The following MBL2 variants were observed in gnomAD, a reference collection of about 807,000 sequenced individuals.
MBL2 encodes mannose-binding protein C.
Under a neutral mutation model 12.7 loss-of-function variants are expected in MBL2, and 6 were observed. The observed-to-expected ratio is 0.47, with a 90% CI of 0.26 to 0.94. The LOEUF (loss-of-function observed/expected upper bound fraction) is 0.94. Among genes scored for constraint, MBL2 ranks in the 40% least tolerant of loss-of-function variants. The pLI is 0.15. For synonymous variants in MBL2, 114 were observed against 112.0 expected (o/e 1.02, Z -0.11); for missense variants, 307 against 295.2 (o/e 1.04, Z -0.29).
Position 52,768,041 on chromosome 10 carries a change from G to A in MBL2, c.*96C>T, listed in dbSNP as rs1840331817. 6.9e-7 allele frequency: 1 copy of A among 1,450,454 alleles called. No individual in the cohort carries two copies. Among genetic ancestry groups the A allele is most frequent in the East Asian group, 2.3e-5 (1 of 43,536 alleles). 89.8% of individuals were successfully genotyped at this position (1,450,454 alleles called of 1,614,324 possible). A position where few individuals can be genotyped will look rare whatever the true frequency, so the allele number is the denominator to read the frequency against. On this transcript the variant is annotated 3_prime_UTR_variant, in exon 5 of 5. Coordinates refer to ENST00000674931, the MANE Select transcript of MBL2 (RefSeq NM_001378373.1). ...GATTGCCCACAAAAGGAACAATACT[G>A]GATATGAGGAAATTGATATAATTTA...
In MBL2 at chr10:52,771,498, G is replaced by A. The variant is rs751077107; in HGVS notation, c.138C>T (p.Phe46=). 1 of 1,613,908 alleles carries A rather than the reference G, an allele frequency of 6.2e-7. No individual in the cohort carries two copies. Residue 46 remains phenylalanine (F), a synonymous_variant, in exon 2 of 5, where the codon TTC becomes TTT. Coordinates refer to ENST00000674931, the MANE Select transcript of MBL2 (RefSeq NM_001378373.1). ...IACSSPGING[F]PGKDGRDGTK... ...TGCCATCACGCCCATCTTTGCCTGG[G>A]AAGCCGTTGATGCCTGGAGAGCTAC...
At chr10:52,769,630 A>C (rs1468136511) in intron 3 of MBL2, among the ~76,000 whole-genome samples, 6 of 152,048 alleles carry the variant, frequency 3.9e-5, no homozygotes, top group African/African-American at 1.4e-4. Flanking sequence ...TTTTCAAATA[A>C]ATTGTTCTAT....
intron 2 of MBL2, 106 bp downstream of exon 2, chr10:52,771,343 A>G: frequency 3.2e-6 from 4 of 1,261,734 alleles, no homozygotes; most frequent in Admixed American, 2.3e-5. Context: ...GAGTTACAGT[A>G]TAGTTGAGAA....
Position 52,769,259 on chromosome 10 carries a change from G to A in MBL2, c.361C>T (p.Arg121Cys), listed in dbSNP as rs188107846. Residue 121 changes from arginine to cysteine, a missense_variant, in exon 4 of 5, where the codon CGT becomes TGT. Arg to Cys is a radical substitution (Grantham distance 180, BLOSUM62 -3). Coordinates refer to ENST00000674931, the MANE Select transcript of MBL2 (RefSeq NM_001378373.1). ...AGAAAAAGCTTACACTTTTTGATAC[G>A]TGCCATTTCTGTTTGCAGAGCTTTT... ...ERKALQTEMARIKKWLTFSLG... is the reference protein window; with the variant it reads ...ERKALQTEMACIKKWLTFSLG... 293 of 1,609,410 alleles carry A rather than the reference G, an allele frequency of 1.8e-4. No homozygotes were observed. Among genetic ancestry groups the A allele is most frequent in the East Asian group, 2.7e-4 (12 of 44,852 alleles).
At chr10:52,772,292 C>G (rs1840406850) in intron 1 of MBL2, among the ~76,000 whole-genome samples, 1 of 152,156 alleles carries the variant, frequency 6.6e-6, no homozygotes, top group Non-Finnish European at 1.5e-5. Flanking sequence ...CTGGAAATTT[C>G]TTACTACGTT....
intron 4 of MBL2, 111 bp downstream of exon 4, chr10:52,769,136 T>A (rs1200773338): frequency 1.2e-5 from 8 of 692,784 alleles, no homozygotes; most frequent in Non-Finnish European, 2.0e-5. Context: ...GAGGTAAGAA[T>A]ATGAGAAATG....
Position 52,767,267 on chromosome 10 carries a change from T to C in MBL2, c.*870A>G, listed in dbSNP as rs1564434833. ...AAGTGCCTATTAACAATAGAATGGA[T>C]GAACTGAGGAATATTAATATAAGGG... is the stretch of plus-strand genomic sequence containing the variant. On this transcript the variant is annotated 3_prime_UTR_variant, in exon 5 of 5. Coordinates refer to ENST00000674931, the MANE Select transcript of MBL2 (RefSeq NM_001378373.1). The C allele has an allele frequency of 6.6e-6, 1 of 151,892 alleles. No individual in the cohort carries two copies. The highest frequency in any genetic ancestry group is 2.1e-4 in the South Asian group (1 of 4,820). 9.4% of individuals were successfully genotyped at this position (151,892 alleles called of 1,614,324 possible). A position where few individuals can be genotyped will look rare whatever the true frequency, so the allele number is the denominator to read the frequency against.
rs368165740 is a variant in MBL2 at position 52,768,309 on chromosome 10, T to G, written c.575A>C (p.Glu192Ala). Residue 192 changes from glutamate to alanine, a missense_variant, in exon 5 of 5, where the codon GAA becomes GCA. Transcript: ENST00000674931. ...AFLGITDEKT[E>A]GQFVDLTGNR... ...TCCTGTCAGATCCACAAACTGCCCT[T>G]CTGTCTTCTCATCAGTGATGCCCAG... 1.1e-5 allele frequency: 17 copies of G among 1,613,760 alleles called. No homozygotes were observed. The highest frequency in any genetic ancestry group is 1.4e-5 in the Non-Finnish European group (17 of 1,179,994).
chr10:52,769,208 A>C lies in MBL2; in HGVS notation c.373+39T>G, dbSNP rs753050782. 4 of 1,443,556 alleles carry C rather than the reference A, an allele frequency of 2.8e-6. No homozygotes were observed. In the African/African-American group the frequency reaches 5.8e-5, roughly 21 times the overall value. The allele number at this position is 1,443,556 out of a possible 1,614,324, so 89.4% of individuals were successfully genotyped here. ...ATATTTGTTGCATTCTATTTTTCCCAAACTTCAAGCTGCCTGGAGAGTAAG... is the reference window on the plus strand; with the variant it reads ...ATATTTGTTGCATTCTATTTTTCCCCAACTTCAAGCTGCCTGGAGAGTAAG... On this transcript the variant is annotated intron_variant, in intron 4 of 4. Transcript: ENST00000674931.
intron 3 of MBL2, 49 bp downstream of exon 3, chr10:52,770,621 G>A (rs373005659): frequency 1.7e-6 from 2 of 1,167,838 alleles, no homozygotes; most frequent in Non-Finnish European, 2.3e-6. Context: ...GATACTCAAG[G>A]TCTCAGAACC....
chr10:52,767,296 C>T lies in MBL2; in HGVS notation c.*841G>A, dbSNP rs924434726. 3.3e-5 allele frequency: 5 copies of T among 151,838 alleles called. No homozygotes were observed. Among genetic ancestry groups the T allele is most frequent in the African/African-American group, 1.2e-4 (5 of 41,198 alleles). 9.4% of individuals were successfully genotyped at this position (151,838 alleles called of 1,614,324 possible). A position where few individuals can be genotyped will look rare whatever the true frequency, so the allele number is the denominator to read the frequency against. On this transcript the variant is annotated 3_prime_UTR_variant, in exon 5 of 5. Transcript: ENST00000674931. ...CTGAGGAATATTAATATAAGGGAAC[C>T]CTACATGGCAATGAAAAGGATGAAA... is the stretch of plus-strand genomic sequence containing the variant.
rs201305883 is a variant in MBL2 at position 52,770,780 on chromosome 10, C to T, written c.194G>A (p.Gly65Glu). 6.9e-7 allele frequency: 1 copy of T among 1,457,694 alleles called. No individual in the cohort carries two copies. The highest frequency in any genetic ancestry group is 2.5e-5 in the East Asian group (1 of 39,312). The allele number at this position is 1,457,694 out of a possible 1,614,324, so 90.3% of individuals were successfully genotyped here. A position where few individuals can be genotyped will look rare whatever the true frequency, so the allele number is the denominator to read the frequency against. ...TKGEKGEPGQ[G>E]LRGLQGPPGK... ...AGGGGGGCCCTGTAAGCCTCTGAGCCCTTGGCCTGTTGGAAGACAAAGGAA... is the reference window on the plus strand; with the variant it reads ...AGGGGGGCCCTGTAAGCCTCTGAGCTCTTGGCCTGTTGGAAGACAAAGGAA... The change falls in exon 3 of 5, where the codon GGG becomes GAG. Residue 65 changes from glycine (G) to glutamate (E), a missense_variant. By Grantham distance (98) the Gly-to-Glu change is moderately conservative. Coordinates refer to ENST00000674931, the MANE Select transcript of MBL2 (RefSeq NM_001378373.1).
At position 52,768,181 on chromosome 10, in the gene MBL2, G is replaced by T. The variant is rs1356236767; in HGVS notation, c.703C>A (p.Pro235Thr). 2.5e-6 allele frequency: 4 copies of T among 1,612,492 alleles called. No individual in the cohort carries two copies. In the African/African-American group the frequency reaches 5.4e-5, roughly 22 times the overall value. The change falls in exon 5 of 5, where the codon CCC (proline) becomes ACC (threonine). Residue 235 changes from proline (P) to threonine (T), a missense_variant. Pro to Thr is a conservative substitution (Grantham distance 38). Transcript: ENST00000674931. ...ACGGCCAGATGGGAGGTGGAGCAGG[G>T]GACGTCATTCCACTGGCCATTTTTC... is the stretch of plus-strand genomic sequence containing the variant. ...LLKNGQWNDV[P>T]CSTSHLAVCE...
chr10:52,769,306 C>G lies in MBL2; in HGVS notation c.314G>C (p.Ser105Thr), dbSNP rs137974936. ...TTTTCTTTCTGAGGCAGCCAGGCTA[C>G]TATCACCATCTAGAAAATTAGAACA... ...GDPGKSPDGDSSLAASERKAL... is the reference protein window; with the variant it reads ...GDPGKSPDGDTSLAASERKAL... The change falls in exon 4 of 5, where the codon AGT becomes ACT. Residue 105 changes from serine (S) to threonine (T), a missense_variant. By Grantham distance (58) the Ser-to-Thr change is moderately conservative. Transcript: ENST00000674931. 8.3e-5 allele frequency: 134 copies of G among 1,608,622 alleles called. No homozygotes were observed. In the Middle Eastern group the frequency reaches 9.9e-4, roughly 12 times the overall value.
Position 52,766,389 on chromosome 10 carries a change from A to C in MBL2, c.*1748T>G, listed in dbSNP as rs1840304670. 1 of 152,164 alleles carries C rather than the reference A, an allele frequency of 6.6e-6. No individual in the cohort carries two copies. The highest frequency in any genetic ancestry group is 1.5e-5 in the Non-Finnish European group (1 of 68,024). 9.4% of individuals were successfully genotyped at this position (152,164 alleles called of 1,614,324 possible). On this transcript the variant is annotated 3_prime_UTR_variant, in exon 5 of 5. Transcript: ENST00000674931. ...GAAACAGACACACACACATACAGTT[A>C]CCTAACTTACAAAAATGCACCACCC...
intron 2 of MBL2, among the ~76,000 whole-genome samples, chr10:52,771,163 G>T (rs577976553): frequency 1.3e-5 from 2 of 152,212 alleles, no homozygotes; most frequent in South Asian, 4.1e-4. Context: ...CCCTACTGAA[G>T]TGAATAGGGG....
chr10:52,770,699 C>A lies in MBL2; in HGVS notation c.275G>T (p.Gly92Val). Residue 92 changes from glycine (G) to valine (V), a missense_variant, in exon 3 of 5, where the codon GGC (glycine) becomes GTC (valine). By Grantham distance (109) the Gly-to-Val change is moderately radical. Coordinates refer to ENST00000674931, the MANE Select transcript of MBL2 (RefSeq NM_001378373.1). ...ACTTTTTCCAGGGTCTCCTTTTTGG[C>A]CCTTTGGTCCTGGTGACCCAGAAGG... is the stretch of plus-strand genomic sequence containing the variant. ...PGPSGSPGPK[G>V]QKGDPGKSPD... The A allele has an allele frequency of 6.6e-7, 1 of 1,505,876 alleles. No individual in the cohort carries two copies. Among genetic ancestry groups the A allele is most frequent in the South Asian group, 1.3e-5 (1 of 75,302 alleles). The allele number at this position is 1,505,876 out of a possible 1,614,324, so 93.3% of individuals were successfully genotyped here. A position where few individuals can be genotyped will look rare whatever the true frequency, so the allele number is the denominator to read the frequency against.
At chr10:52,771,754 C>T in intron 1 of MBL2, 110 bp from the exon 2 acceptor site, 1 of 1,417,524 alleles carries the variant, frequency 7.1e-7, no homozygotes, top group Admixed American at 2.7e-5. Context: ...AATAGATGAC[C>T]CATCCCTGGC....
chr10:52,769,225 G>A (rs1169917033), intron 4 of MBL2, 22 bp downstream of exon 4: 1 of 1,560,476 alleles, frequency 6.4e-7, no homozygotes, highest in African/African-American at 1.4e-5. Context: ...AAGCTGCCTG[G>A]AGAGTAAGAG....
Sources: gnomAD v4.1 joint callset for allele counts (sites outside exome capture counted in the v4.1 genomes callset) on GRCh38, gnomAD v4.1.1 for gene constraint, MANE v1.5 for transcripts, NCBI Gene and HGNC (gene_info 2026-07-23, HGNC 2026-07-21) for gene names.